Variants in LYRM1 observed in about 807,000 individuals in gnomAD.
LYRM1 encodes LYR motif containing 1.
A neutral mutation model predicts 14.9 loss-of-function variants in LYRM1; 14 were observed. The observed-to-expected ratio is 0.94, with a 90% CI of 0.62 to 1.47. The LOEUF (loss-of-function observed/expected upper bound fraction) is 1.47, where lower values mean the gene tolerates loss of function less well. LYRM1 is among the 40% of genes most tolerant of loss of function. The probability of loss-of-function intolerance (pLI) is 0.00; values close to 1 mark genes in which losing one functional copy is unlikely to be tolerated. For synonymous variants in LYRM1, 43 were observed against 56.2 expected (o/e 0.77, Z 1.05); for missense variants, 153 against 149.9 (o/e 1.02, Z -0.11).
At chr16:20,911,303 T>G (rs2082580498) in intron 1 of LYRM1, 1 of 152,196 alleles carries the variant, frequency 6.6e-6, no homozygotes, top group Non-Finnish European at 1.5e-5. Flanking sequence ...CTCTGTAAGT[T>G]GAATTCCTTG....
At chr16:20,922,118 GGGATTACAGATTACA>G (rs1319847866) in intron 3 of LYRM1, 1 of 151,598 alleles carries the variant, frequency 6.6e-6, no homozygotes, top group Admixed American at 6.6e-5. Flanking sequence ...CTGAGTAGCT[GGGATTACAGATTACA>G]GGTACACCAC....
At chr16:20,904,696 T>TGTGTGG (rs2082234131) in intron 1 of LYRM1, among the ~76,000 whole-genome samples, 1 of 147,708 alleles carries the variant, frequency 6.8e-6, no homozygotes, top group Non-Finnish European at 1.5e-5. Context: ...TGTGGTTGTG[T>TGTGTGG]GTGTGTGTGT....
In LYRM1 at chr16:20,915,604, T is replaced by C. The variant is rs772456020; in HGVS notation, c.49T>C (p.Phe17Leu). The C allele has an allele frequency of 6.2e-7, 1 of 1,614,108 alleles. No individual in the cohort carries two copies. Among genetic ancestry groups the C allele is most frequent in the South Asian group, 1.1e-5 (1 of 91,082 alleles). Residue 17 changes from phenylalanine to leucine, a missense_variant, in exon 2 of 4, where the codon TTC becomes CTC. By Grantham distance (22) the Phe-to-Leu change is conservative (BLOSUM62 0). Transcript: ENST00000567954. ...AGTCCTTGGCCTCTACCGCAGCATTTTCAGGCTTGCGAGGAAATGGCAGGC... is the reference window on the plus strand; with the variant it reads ...AGTCCTTGGCCTCTACCGCAGCATTCTCAGGCTTGCGAGGAAATGGCAGGC... ...QEVLGLYRSI[F>L]RLARKWQATS...
Position 20,924,146 on chromosome 16 carries a change from T to C in LYRM1, c.*30T>C. The C allele has an allele frequency of 8.1e-7, 1 of 1,235,666 alleles. No individual in the cohort carries two copies. 76.5% of individuals were successfully genotyped at this position (1,235,666 alleles called of 1,614,324 possible). On this transcript the variant is annotated 3_prime_UTR_variant, in exon 4 of 4. Coordinates refer to ENST00000567954, the MANE Select transcript of LYRM1 (RefSeq NM_001128302.3). Reference sequence around the variant, plus strand: ...GAGGAAAGTTTATTTCTGCAAATGATGAGCCAACTAGTTATTGAATGTAAA... The same window carrying C: ...GAGGAAAGTTTATTTCTGCAAATGACGAGCCAACTAGTTATTGAATGTAAA...
rs201350108 is a variant in LYRM1 at position 20,915,714 on chromosome 16, T to C, written c.159T>C (p.Asn53=). The C allele has an allele frequency of 1.0e-4, 162 of 1,613,414 alleles. No homozygotes were observed. Among genetic ancestry groups the C allele is most frequent in the Non-Finnish European group, 1.3e-4 (148 of 1,179,704 alleles). Residue 53 remains asparagine (N), a splice_region_variant and synonymous_variant, in exon 2 of 4, where the codon AAT becomes AAC. Coordinates refer to ENST00000567954, the MANE Select transcript of LYRM1 (RefSeq NM_001128302.3). ...GAACGCTGTTCCGGAAAAACAAAAA[T>C]GTAAGTAGGCCCCACTTGGAGATTG... ...EARTLFRKNK[N]LTDTDLIKQC...
rs1267865617 is a variant in LYRM1, at chr16:20,915,757, C to T, written c.159+43C>T. 1.9e-6 allele frequency: 3 copies of T among 1,588,832 alleles called. No homozygotes were observed. In the Admixed American group the frequency reaches 5.2e-5, roughly 27 times the overall value. ...GGAGATTGTGCAGAGGAGAGTTGTT[C>T]CTTATGATATTTGTTTATTTCTTTT... is the stretch of plus-strand genomic sequence containing the variant. On this transcript the variant is annotated intron_variant, in intron 2 of 3. Transcript: ENST00000567954.
At chr16:20,909,720 TATAAAAA>T (rs1211072292) in intron 1 of LYRM1, among the ~76,000 whole-genome samples, 3 of 152,122 alleles carry the variant, frequency 2.0e-5, no homozygotes, top group Non-Finnish European at 4.4e-5. Context: ...AAGACAAAAA[TATAAAAA>T]GGAAAAGAGC....
chr16:20,919,471 C>T (rs548282039), intron 2 of LYRM1, among the ~76,000 whole-genome samples: 24 of 152,282 alleles, frequency 1.6e-4, no homozygotes, highest in Middle Eastern at 6.8e-3. Context: ...TGAATCTATG[C>T]CTTTGTCCTA....
chr16:20,912,231 T>G (rs1026616975), intron 1 of LYRM1, among the ~76,000 whole-genome samples: 5 of 144,374 alleles, frequency 3.5e-5, no homozygotes, highest in African/African-American at 1.3e-4. Flanking sequence ...CATGAGCCAC[T>G]GCACGTGGCC....
intron 1 of LYRM1, among the ~76,000 whole-genome samples, chr16:20,914,455 ATTTTT>A (rs35172104): frequency 1.5e-5 from 2 of 132,226 alleles, no homozygotes; most frequent in African/African-American, 5.7e-5. Flanking sequence ...CACCTGGCTA[ATTTTT>A]TTTTTTTTTT....
Position 20,920,158 on chromosome 16 carries a change from G to C in LYRM1, c.196G>C (p.Glu66Gln). 1 of 1,614,020 alleles carries C rather than the reference G, an allele frequency of 6.2e-7. No individual in the cohort carries two copies. Among genetic ancestry groups the C allele is most frequent in the Non-Finnish European group, 8.5e-7 (1 of 1,179,942 alleles). Residue 66 changes from glutamate to glutamine, a missense_variant, in exon 3 of 4, where the codon GAA (glutamate) becomes CAA (glutamine). Transcript: ENST00000567954. ...DTDLIKQCID[E>Q]CTARIEIGLH... is the part of the protein sequence containing the mutation. ...AGACCTAATTAAACAGTGTATAGAT[G>C]AATGCACAGCCAGGATTGAAATTGG...
chr16:20,924,767 C>A lies in LYRM1; in HGVS notation c.*651C>A, dbSNP rs1596829364. The A allele has an allele frequency of 2.0e-5, 3 of 152,286 alleles. No individual in the cohort carries two copies. In the South Asian group the frequency reaches 6.2e-4, roughly 32 times the overall value. 9.4% of individuals were successfully genotyped at this position (152,286 alleles called of 1,614,324 possible). The stretch of plus-strand genomic sequence containing the variant: ...CTGAAAAGCTCACTTTAAACTCATA[C>A]TACATTCGTTACGAGTATTTTACGT... On this transcript the variant is annotated 3_prime_UTR_variant, in exon 4 of 4. Transcript: ENST00000567954.
intron 3 of LYRM1, 166 bp downstream of exon 3, chr16:20,920,380 A>T: frequency 1.6e-6 from 1 of 634,694 alleles, no homozygotes; most frequent in South Asian, 1.8e-5. Context: ...CATCACAACA[A>T]AGTAAAATGT....
chr16:20,915,260 C>T (rs1203535959), intron 1 of LYRM1, among the ~76,000 whole-genome samples: 5 of 152,068 alleles, frequency 3.3e-5, no homozygotes, highest in Non-Finnish European at 7.4e-5. Flanking sequence ...ATCACGAGGT[C>T]AGGAGATCGA....
At chr16:20,910,439 TAA>T (rs1405877474) in intron 1 of LYRM1, among the ~76,000 whole-genome samples, 1 of 152,210 alleles carries the variant, frequency 6.6e-6, no homozygotes, top group Non-Finnish European at 1.5e-5. Context: ...AAACGTTAAT[TAA>T]AGTGTTTTGA....
At chr16:20,907,178 T>A (rs564126046) in intron 1 of LYRM1, among the ~76,000 whole-genome samples, 24 of 151,674 alleles carry the variant, frequency 1.6e-4, no homozygotes, top group Non-Finnish European at 3.4e-4. Flanking sequence ...TAGTTTGATA[T>A]ACAGTGTATT....
At chr16:20,923,337 T>A (rs2083292824) in intron 3 of LYRM1, among the ~76,000 whole-genome samples, 1 of 151,534 alleles carries the variant, frequency 6.6e-6, no homozygotes, top group African/African-American at 2.4e-5. Flanking sequence ...CCATATCTAT[T>A]AAAAATACAA....
At position 20,924,037 on chromosome 16, in the gene LYRM1, G is replaced by T. The variant is rs749947023; in HGVS notation, c.290G>T (p.Gly97Val). Residue 97 changes from glycine (G) to valine (V), a missense_variant, in exon 4 of 4, where the codon GGC becomes GTC. Gly to Val is a moderately radical substitution (Grantham distance 109). Coordinates refer to ENST00000567954, the MANE Select transcript of LYRM1 (RefSeq NM_001128302.3). ...LPPMGLTPLR[G>V]RGLRSQEKLR... ...CCAATGGGCCTTACCCCACTCCGAG[G>T]CCGGGGACTTCGAAGCCAAGAGAAA... 6.8e-6 allele frequency: 11 copies of T among 1,613,206 alleles called. No individual in the cohort carries two copies.
At chr16:20,913,139 G>A (rs1354538919) in intron 1 of LYRM1, among the ~76,000 whole-genome samples, 1 of 150,966 alleles carries the variant, frequency 6.6e-6, no homozygotes, top group African/African-American at 2.4e-5. Flanking sequence ...TACTATAAAT[G>A]TTATGTGTAA....
Sources: allele counts gnomAD v4.1 joint callset (sites outside exome capture counted in the v4.1 genomes callset), GRCh38; gene constraint gnomAD v4.1.1; transcripts MANE v1.5; gene names NCBI Gene and HGNC (gene_info 2026-07-23, HGNC 2026-07-21).